Variants in GMPR observed in about 807,000 individuals in gnomAD.
The protein encoded by GMPR is guanosine monophosphate reductase.
GMPR carries 31 observed loss-of-function variants against 38.4 expected under a neutral mutation model. The observed-to-expected ratio is 0.81, with a 90% CI of 0.61 to 1.09. The LOEUF is 1.09. Ranked by LOEUF, GMPR falls within the 50% of genes least tolerant of loss-of-function variation. The pLI, the probability that GMPR is intolerant of heterozygous loss-of-function variation, is 0.00. For synonymous variants in GMPR, 162 were observed against 173.3 expected, an observed-to-expected ratio of 0.93 and a Z score of 0.51; for missense variants, 468 against 453.7, an observed-to-expected ratio of 1.03 and a Z score of -0.29.
At chr6:16,264,320 G>A (rs889105738) in intron 4 of GMPR, 8 of 223,692 alleles carry the variant, frequency 3.6e-5, no homozygotes, top group Non-Finnish European at 6.0e-5. Context: ...TTGGAGAAGA[G>A]AGTAAAAAGA....
intron 5 of GMPR, among the ~76,000 whole-genome samples, chr6:16,278,064 A>T (rs1459817854): frequency 1.3e-5 from 2 of 152,204 alleles, no homozygotes; most frequent in Non-Finnish European, 2.9e-5. Context: ...ACAGGCAGGC[A>T]GGAGGGTGCT....
intron 6 of GMPR, among the ~76,000 whole-genome samples, chr6:16,285,033 C>CAA (rs11370216): frequency 1.7e-3 from 187 of 108,582 alleles, no homozygotes; most frequent in South Asian, 0.011. Context: ...AAAAAAAAAA[C>CAA]AAAAAAAAAA....
At chr6:16,286,547 G>GAA (rs537479073) in intron 7 of GMPR, among the ~76,000 whole-genome samples, 19 of 143,664 alleles carry the variant, frequency 1.3e-4, no homozygotes, top group African/African-American at 4.5e-4. Flanking sequence ...GCTGATGCCA[G>GAA]AAAAAAAAAA....
At position 16,246,838 on chromosome 6, in the gene GMPR, A is replaced by G. The variant is rs1198060920; in HGVS notation, c.88-4A>G. The G allele has an allele frequency of 5.0e-6, 8 of 1,607,676 alleles. No homozygotes were observed. The highest frequency in any genetic ancestry group is 6.8e-6 in the Non-Finnish European group (8 of 1,177,968). On this transcript the variant is annotated splice_region_variant and splice_polypyrimidine_tract_variant and intron_variant, in intron 1 of 8. Coordinates refer to ENST00000259727, the MANE Select transcript of GMPR (RefSeq NM_006877.4). Reference sequence around the variant, plus strand: ...CTTTTTCTTTCTTTTTTTTTGGCCAACAGGTGGATCTTGAACGCACCTTCA... The same window carrying G: ...CTTTTTCTTTCTTTTTTTTTGGCCAGCAGGTGGATCTTGAACGCACCTTCA...
intron 1 of GMPR, among the ~76,000 whole-genome samples, chr6:16,243,948 C>A (rs902900259): frequency 1.3e-5 from 2 of 152,188 alleles, no homozygotes; most frequent in African/African-American, 2.4e-5. Flanking sequence ...CGTGGGTATG[C>A]ACACAGCTTT....
At chr6:16,279,269 G>A (rs1409358462) in intron 6 of GMPR, among the ~76,000 whole-genome samples, 1 of 152,150 alleles carries the variant, frequency 6.6e-6, no homozygotes, top group Non-Finnish European at 1.5e-5. Context: ...GTTGGGGGGG[G>A]CATGCTCCCT....
At chr6:16,285,056 AAAG>A (rs1452492608) in intron 6 of GMPR, among the ~76,000 whole-genome samples, 1 of 151,054 alleles carries the variant, frequency 6.6e-6, no homozygotes, top group Non-Finnish European at 1.5e-5. Context: ...ACAGAAAAGA[AAAG>A]AAAATTCAGC....
intron 4 of GMPR, among the ~76,000 whole-genome samples, chr6:16,270,303 A>C (rs768831890): frequency 4.6e-5 from 7 of 152,200 alleles, no homozygotes; most frequent in Non-Finnish European, 8.8e-5. Context: ...TGCCTGCCTC[A>C]GTGCTCTGGA....
intron 4 of GMPR, among the ~76,000 whole-genome samples, chr6:16,273,286 A>G (rs565671188): frequency 3.0e-4 from 46 of 152,336 alleles, no homozygotes; most frequent in African/African-American, 1.0e-3. Flanking sequence ...TGCAAAAGAC[A>G]TGAGTGGAAT....
At chr6:16,269,345 C>T (rs979241597) in intron 4 of GMPR, among the ~76,000 whole-genome samples, 14 of 152,184 alleles carry the variant, frequency 9.2e-5, no homozygotes, top group African/African-American at 1.9e-4. Flanking sequence ...CAGATCTTTC[C>T]GAACTTATTT....
chr6:16,290,948 C>T (rs1186545352), intron 8 of GMPR, among the ~76,000 whole-genome samples: 3 of 152,228 alleles, frequency 2.0e-5, no homozygotes, highest in Non-Finnish European at 1.5e-5. Flanking sequence ...CTGTGCTGAG[C>T]TATCCCTGTA....
intron 8 of GMPR, among the ~76,000 whole-genome samples, chr6:16,293,000 T>C (rs1438222069): frequency 6.6e-6 from 1 of 151,432 alleles, no homozygotes; most frequent in Non-Finnish European, 1.5e-5. Context: ...GCTGCACCTG[T>C]CTTACCTCTG....
chr6:16,250,407 G>T (rs747398797), intron 3 of GMPR, 40 bp downstream of exon 3: 9 of 1,136,866 alleles, frequency 7.9e-6, no homozygotes, highest in African/African-American at 1.5e-5. Context: ...AGTGCTGCAG[G>T]GGGGAACAAA....
At chr6:16,238,879 C>A in intron 1 of GMPR, 99 bp downstream of exon 1, 1 of 487,920 alleles carries the variant, frequency 2.0e-6, no homozygotes, top group Non-Finnish European at 3.5e-6. Flanking sequence ...ACCCTGCCTG[C>A]TTTGGTGTTT....
At chr6:16,252,269 T>G (rs1030046208) in intron 3 of GMPR, among the ~76,000 whole-genome samples, 4 of 152,218 alleles carry the variant, frequency 2.6e-5, no homozygotes, top group Non-Finnish European at 4.4e-5. Context: ...CTTTTATTTT[T>G]TTTGTTTGAG....
At chr6:16,289,294 C>T (rs1365446519) in intron 7 of GMPR, among the ~76,000 whole-genome samples, 2 of 152,148 alleles carry the variant, frequency 1.3e-5, no homozygotes, top group African/African-American at 4.8e-5. Flanking sequence ...TCAGTGAGAC[C>T]AAGAACCCAC....
chr6:16,274,334 C>A, intron 4 of GMPR, 81 bp from the exon 5 acceptor site: 1 of 892,606 alleles, frequency 1.1e-6, no homozygotes, highest in Non-Finnish European at 1.9e-6. Context: ...CATGCACATC[C>A]TCGTGTTCAG....
intron 4 of GMPR, among the ~76,000 whole-genome samples, chr6:16,265,660 G>T (rs878885954): frequency 1.4e-5 from 2 of 145,388 alleles, no homozygotes; most frequent in African/African-American, 4.9e-5. Context: ...AGCTAAAGCA[G>T]CGCTGTGTCT....
At position 16,295,158 on chromosome 6, in the gene GMPR, C is replaced by T; in HGVS notation, c.1010C>T (p.Thr337Ile). The change falls in exon 9 of 9, where the codon ACC becomes ATC. Residue 337 changes from threonine to isoleucine, a missense_variant. Transcript: ENST00000259727. ...LSRRATFIRVTQQHNTVFS is the reference protein window; with the variant it reads ...LSRRATFIRVIQQHNTVFS ...AGGAGGGCAACATTCATCCGGGTGA[C>T]CCAGCAGCACAACACCGTGTTCAGC... 1 of 1,549,144 alleles carries T rather than the reference C, an allele frequency of 6.5e-7. No individual in the cohort carries two copies. Among genetic ancestry groups the T allele is most frequent in the South Asian group, 1.2e-5 (1 of 81,602 alleles).
Sources: gnomAD v4.1 joint callset for allele counts (sites outside exome capture counted in the v4.1 genomes callset) on GRCh38, gnomAD v4.1.1 for gene constraint, MANE v1.5 for transcripts, NCBI Gene and HGNC (gene_info 2026-07-23, HGNC 2026-07-21) for gene names.